The following KCNQ1 variants were observed in gnomAD, a reference collection of about 807,000 sequenced individuals.
The protein encoded by KCNQ1 is potassium voltage-gated channel subfamily Q member 1.
Under a neutral mutation model 72.4 loss-of-function variants are expected in KCNQ1, and 49 were observed. The ratio of observed to expected loss-of-function variants is 0.68; its 90% CI spans 0.54 to 0.86. The LOEUF (loss-of-function observed/expected upper bound fraction) is 0.86, where lower values mean the gene tolerates loss of function less well. Ranked by LOEUF, KCNQ1 falls within the 40% of genes least tolerant of loss-of-function variation. The pLI is 0.00. For missense variants in KCNQ1, 790 were observed against 945.1 expected (o/e 0.84, Z 2.15); for synonymous variants, 450 against 412.6 (o/e 1.09, Z -1.10).
Position 2,816,101 on chromosome 11 carries a change from C to G in KCNQ1, c.1795-31666C>G, listed in dbSNP as rs530818135. 2.6e-5 allele frequency among the ~76,000 whole-genome samples: 4 copies of G among 152,274 alleles called. No individual in the cohort carries two copies. The South Asian group carries it at 8.3e-4, about 32-fold the overall frequency. On this transcript the variant is annotated intron_variant, in intron 15 of 15. Transcript: ENST00000155840. The surrounding 1 kb of genome is among the most constrained non-coding windows in gnomAD (Gnocchi z 6.8). ...ATCAAGAAGTCCCTGAGGAAGAGGA[C>G]AGTAGCCAGGGGCAAGACCTCACAC...
At chr11:2,660,871 T>C (rs893354118) in intron 10 of KCNQ1, 1 of 398,508 alleles carries the variant, frequency 2.5e-6, no homozygotes, top group African/African-American at 2.1e-5. Context: ...AGAATAAAGA[T>C]GAATATGGCA....
Position 2,683,865 on chromosome 11 carries a change from A to C in KCNQ1, c.1514+21784A>C. ...CCTCCCTGGCCCCACACTCACTGCT[A>C]CATCTCTCTTCCAAATCATAAATGC... On this transcript the variant is annotated intron_variant, in intron 11 of 15. Transcript: ENST00000155840. The surrounding 1 kb of genome is among the most constrained non-coding windows in gnomAD (Gnocchi z 4.7). 1 of 398,288 alleles carries C rather than the reference A, an allele frequency of 2.5e-6. No individual in the cohort carries two copies. The highest frequency in any genetic ancestry group is 2.1e-5 in the African/African-American group (1 of 48,634). 24.7% of individuals were successfully genotyped at this position (398,288 alleles called of 1,614,324 possible). A position where few individuals can be genotyped will look rare whatever the true frequency, so the allele number is the denominator to read the frequency against.
chr11:2,504,703 G>T (rs558319513), intron 1 of KCNQ1, among the ~76,000 whole-genome samples: 1 of 152,336 alleles, frequency 6.6e-6, no homozygotes, highest in South Asian at 2.1e-4. Flanking sequence ...GTTGCAGTGA[G>T]CTGAGATCGC....
chr11:2,553,777 G>A lies in KCNQ1; in HGVS notation c.478-16851G>A, dbSNP rs370762109. On this transcript the variant is annotated intron_variant, in intron 2 of 15. Coordinates refer to ENST00000155840, the MANE Select transcript of KCNQ1 (RefSeq NM_000218.3). ...TTTGCCCAAGCTGGAGCGCAATGGC[G>A]TGATCTCGGCTCACTGCAGCCTCTG... Among the ~76,000 whole-genome samples, 31 of 152,034 alleles carry A rather than the reference G, an allele frequency of 2.0e-4. 1 individual carries two copies. In the East Asian group the frequency reaches 2.5e-3, roughly 12 times the overall value.
intron 15 of KCNQ1, among the ~76,000 whole-genome samples, chr11:2,843,674 C>A (rs879747820): frequency 2.6e-5 from 4 of 152,264 alleles, no homozygotes; most frequent in Non-Finnish European, 5.9e-5. Context: ...AAAAATTTCC[C>A]TTGAAAGACT....
chr11:2,735,922 A>G lies in KCNQ1; in HGVS notation c.1515-32922A>G, dbSNP rs1845948042. Among the ~76,000 whole-genome samples the G allele has an allele frequency of 6.6e-6, 1 of 151,796 alleles. No individual in the cohort carries two copies. Among genetic ancestry groups the G allele is most frequent in the South Asian group, 2.1e-4 (1 of 4,832 alleles). On this transcript the variant is annotated intron_variant, in intron 11 of 15. Transcript: ENST00000155840. The surrounding 1 kb of genome is among the most constrained non-coding windows in gnomAD (Gnocchi z 7.7). ...TATAAGACCCCATCTCCAGACACAC[A>G]GTCACAGTCAGAGGCAGGAGGAGGT...
Position 2,748,866 on chromosome 11 carries a change from G to T in KCNQ1, c.1515-19978G>T, listed in dbSNP as rs1205515423. On this transcript the variant is annotated intron_variant, in intron 11 of 15. Transcript: ENST00000155840. This position sits in a 1 kb window ranked among gnomAD's most constrained non-coding sequence, Gnocchi z 6.2. ...CACCTCTGGTCTGGCAGCTGGGTGT[G>T]CAGGGGCAGCCCCAGACCTCCAGAG... 6.6e-6 allele frequency among the ~76,000 whole-genome samples: 1 copy of T among 152,232 alleles called. No individual in the cohort carries two copies. The highest frequency in any genetic ancestry group is 1.5e-5 in the Non-Finnish European group (1 of 68,036).
At chr11:2,763,149 A>T (rs1050400079) in intron 11 of KCNQ1, among the ~76,000 whole-genome samples, 1 of 152,272 alleles carries the variant, frequency 6.6e-6, no homozygotes, top group African/African-American at 2.4e-5. Context: ...TTAACATCTT[A>T]TAAATATTGA....
intron 11 of KCNQ1, chr11:2,688,258 G>T (rs1850525964): frequency 2.5e-6 from 1 of 398,604 alleles, no homozygotes; most frequent in Admixed American, 4.4e-5. Flanking sequence ...ATCTGAGAGG[G>T]AGGCGCCATG....
chr11:2,570,513 C>T, intron 2 of KCNQ1, 115 bp from the exon 3 acceptor site: 1 of 1,428,690 alleles, frequency 7.0e-7, no homozygotes, highest in South Asian at 1.2e-5. Context: ...GCCTGCTGTT[C>T]TCAGGGTGTC....
rs1847657036 is a variant in KCNQ1, at chr11:2,818,163, C to T, written c.1795-29604C>T. Among the ~76,000 whole-genome samples the T allele has an allele frequency of 6.6e-6, 1 of 152,194 alleles. No individual in the cohort carries two copies. The highest frequency in any genetic ancestry group is 6.5e-5 in the Admixed American group (1 of 15,286). On this transcript the variant is annotated intron_variant, in intron 15 of 15. Coordinates refer to ENST00000155840, the MANE Select transcript of KCNQ1 (RefSeq NM_000218.3). This position sits in a 1 kb window ranked among gnomAD's most constrained non-coding sequence, Gnocchi z 7.2. ...CTGGCCCTCAGAGTGGGAGCGCGTG[C>T]CCCAACTTCCGAGCCCTAGGAAAGG...
rs1270267453 is a variant in KCNQ1, at chr11:2,782,794, A to G, written c.1794+4757A>G. ...CCATTTTTTATTCTCAATATTATTT[A>G]TTTGTGCCTTCACTGTTTTCCCCCT... On this transcript the variant is annotated intron_variant, in intron 15 of 15. Coordinates refer to ENST00000155840, the MANE Select transcript of KCNQ1 (RefSeq NM_000218.3). The surrounding 1 kb of genome is among the most constrained non-coding windows in gnomAD (Gnocchi z 6.1). Among the ~76,000 whole-genome samples, 2 of 152,060 alleles carry G rather than the reference A, an allele frequency of 1.3e-5. No individual in the cohort carries two copies. Among genetic ancestry groups the G allele is most frequent in the African/African-American group, 2.4e-5 (1 of 41,418 alleles).
At chr11:2,702,893 G>A (rs1035451119) in intron 11 of KCNQ1, among the ~76,000 whole-genome samples, 1 of 152,148 alleles carries the variant, frequency 6.6e-6, no homozygotes, top group Non-Finnish European at 1.5e-5. Flanking sequence ...CGCCACACAC[G>A]GGGTGCCGTC....
intron 11 of KCNQ1, among the ~76,000 whole-genome samples, chr11:2,716,549 G>A (rs1230666075): frequency 6.6e-6 from 1 of 152,246 alleles, no homozygotes; most frequent in African/African-American, 2.4e-5. Flanking sequence ...AGGCTCTTGT[G>A]GGTTGGCTTG....
rs1006176580 is a variant in KCNQ1, at chr11:2,695,137, T to C, written c.1514+33056T>C. ...AGAGTCATGGAGGCACATTCATTCG[T>C]TGGTTCTTGGCTTTTGGGACTCTGC... On this transcript the variant is annotated intron_variant, in intron 11 of 15. Transcript: ENST00000155840. This position sits in a 1 kb window ranked among gnomAD's most constrained non-coding sequence, Gnocchi z 5.2. 1.8e-5 allele frequency: 7 copies of C among 398,566 alleles called. No individual in the cohort carries two copies. Among genetic ancestry groups the C allele is most frequent in the African/African-American group, 1.4e-4 (7 of 48,636 alleles). 24.7% of individuals were successfully genotyped at this position (398,566 alleles called of 1,614,324 possible). A position where few individuals can be genotyped will look rare whatever the true frequency, so the allele number is the denominator to read the frequency against.
At position 2,775,965 on chromosome 11, in the gene KCNQ1, G is replaced by T. The variant is rs558452873; in HGVS notation, c.1596G>T (p.Ala532=). The T allele has an allele frequency of 1.5e-5, 23 of 1,559,440 alleles. No homozygotes were observed. Among genetic ancestry groups the T allele is most frequent in the Non-Finnish European group, 1.9e-5 (22 of 1,151,546 alleles). The change falls in exon 13 of 16, where the codon GCG becomes GCT. Residue 532 remains alanine, a synonymous_variant. Transcript: ENST00000155840. Reference sequence around the variant, plus strand: ...CGTGTCTTTTTGTCCCGCAGCAAGCGCGGAAGCCTTACGATGTGCGGGACG... The same window carrying T: ...CGTGTCTTTTTGTCCCGCAGCAAGCTCGGAAGCCTTACGATGTGCGGGACG... The part of the protein sequence containing the change: ...YFVAKKKFQQ[A]RKPYDVRDVI...
Position 2,634,459 on chromosome 11 carries a change from G to A in KCNQ1, c.1394-27502G>A, listed in dbSNP as rs192400319. ...TTTTTCATTCTTGCTATAGTTTGCT[G>A]AGAATGATGGTTTCCAGCTTCATCC... On this transcript the variant is annotated intron_variant, in intron 10 of 15. Transcript: ENST00000155840. The A allele has an allele frequency of 2.9e-3, 465 of 158,904 alleles. 2 individuals carry two copies. Among genetic ancestry groups the A allele is most frequent in the African/African-American group, 0.01 (431 of 41,774 alleles). 9.8% of individuals were successfully genotyped at this position (158,904 alleles called of 1,614,324 possible).
chr11:2,672,874 C>T lies in KCNQ1; in HGVS notation c.1514+10793C>T, dbSNP rs1220347616. 5 of 398,624 alleles carry T rather than the reference C, an allele frequency of 1.3e-5. No homozygotes were observed. In the East Asian group the frequency reaches 1.8e-4, roughly 14 times the overall value. 24.7% of individuals were successfully genotyped at this position (398,624 alleles called of 1,614,324 possible). A position where few individuals can be genotyped will look rare whatever the true frequency, so the allele number is the denominator to read the frequency against. On this transcript the variant is annotated intron_variant, in intron 11 of 15. Transcript: ENST00000155840. ...TTCTTGAGTGTCATACCCTAGCCACCTGACTGTCAGGGGAGCAGTATGTGG... is the reference window on the plus strand; with the variant it reads ...TTCTTGAGTGTCATACCCTAGCCACTTGACTGTCAGGGGAGCAGTATGTGG...
At chr11:2,584,453 G>C (rs912820427) in intron 7 of KCNQ1, among the ~76,000 whole-genome samples, 3 of 151,258 alleles carry the variant, frequency 2.0e-5, no homozygotes, top group African/African-American at 7.3e-5. Context: ...GTTTGTGTTT[G>C]TGTGTGTATG....
Sources: gnomAD v4.1 joint callset for allele counts (sites outside exome capture counted in the v4.1 genomes callset) on GRCh38, gnomAD v4.1.1 for gene constraint, Gnocchi (gnomAD v3.1) non-coding constraint, MANE v1.5 for transcripts, NCBI Gene and HGNC (gene_info 2026-07-23, HGNC 2026-07-21) for gene names.